The following TRAF2 variants were observed in gnomAD, a reference collection of about 807,000 sequenced individuals.
TRAF2 encodes TNF receptor associated factor 2.
Under a neutral mutation model 55.6 loss-of-function variants are expected in TRAF2, and 6 were observed. That is an observed-to-expected ratio of 0.11 (90% CI 0.06 to 0.21). TRAF2 has a LOEUF of 0.21. TRAF2 is among the 10% of genes least tolerant of loss of function. The probability of loss-of-function intolerance (pLI) is 1.00; values close to 1 mark genes in which losing one functional copy is unlikely to be tolerated. For synonymous variants in TRAF2, 329 were observed against 276.3 expected, an observed-to-expected ratio of 1.19 and a Z score of -1.89; for missense variants, 561 against 684.5, an observed-to-expected ratio of 0.82 and a Z score of 2.01.
intron 6 of TRAF2, among the ~76,000 whole-genome samples, chr9:136,910,958 C>G (rs1037772182): frequency 6.6e-6 from 1 of 152,206 alleles, no homozygotes; most frequent in Non-Finnish European, 1.5e-5. Context: ...TGCTGCCATG[C>G]CCCCTTCAGA....
chr9:136,923,917 G>A lies in TRAF2; in HGVS notation c.1204G>A (p.Gly402Arg), dbSNP rs776552418. The A allele has an allele frequency of 2.5e-6, 4 of 1,613,994 alleles. No individual in the cohort carries two copies. The highest frequency in any genetic ancestry group is 3.4e-6 in the Non-Finnish European group (4 of 1,180,016). ...LRIYLNGDGT[G>R]RGTHLSLFFV... ...TATCTACCTGAACGGCGACGGCACC[G>A]GGCGAGGAACACACCTGTCCCTCTT... is the stretch of plus-strand genomic sequence containing the variant. Residue 402 changes from glycine (G) to arginine (R), a missense_variant, in exon 10 of 11, where the codon GGG becomes AGG. Gly to Arg is a moderately radical substitution (Grantham distance 125). This residue lies in a region of TRAF2 where 135 missense variants were observed against 207.7 expected (regional missense o/e 0.65). Coordinates refer to ENST00000247668, the MANE Select transcript of TRAF2 (RefSeq NM_021138.4).
At position 136,907,943 on chromosome 9, in the gene TRAF2, G is replaced by A. The variant is rs1849994967; in HGVS notation, c.367-127G>A. The A allele has an allele frequency of 5.8e-6, 7 of 1,211,826 alleles. No individual in the cohort carries two copies. In the South Asian group the frequency reaches 7.2e-5, roughly 12 times the overall value. The allele number at this position is 1,211,826 out of a possible 1,614,324, so 75.1% of individuals were successfully genotyped here. ...GGGAGCCCTGAGAGCTATCTGCAGA[G>A]GGCGGCCCCCAGGACCAGCATGCGG... is the stretch of plus-strand genomic sequence containing the variant. On this transcript the variant is annotated intron_variant, in intron 4 of 10. Transcript: ENST00000247668.
intron 4 of TRAF2, among the ~76,000 whole-genome samples, chr9:136,907,824 C>T (rs1021536387): frequency 6.6e-6 from 1 of 151,986 alleles, no homozygotes; most frequent in Non-Finnish European, 1.5e-5. Flanking sequence ...CACACAGAGA[C>T]CCCCATGGCA....
intron 7 of TRAF2, among the ~76,000 whole-genome samples, chr9:136,918,226 T>TA (rs1564419356): frequency 5.8e-4 from 31 of 53,620 alleles, no homozygotes; most frequent in African/African-American, 2.9e-3. Context: ...GAGTGTTTTG[T>TA]TTATATATAT....
intron 7 of TRAF2, among the ~76,000 whole-genome samples, chr9:136,919,375 C>T (rs1319690141): frequency 6.8e-6 from 1 of 146,502 alleles, no homozygotes; most frequent in Non-Finnish European, 1.5e-5. Flanking sequence ...CTCGGCTCAC[C>T]ACAACCTCCA....
intron 1 of TRAF2, among the ~76,000 whole-genome samples, chr9:136,897,658 C>T (rs1849712412): frequency 7.6e-6 from 1 of 131,922 alleles, no homozygotes; most frequent in African/African-American, 2.9e-5. Flanking sequence ...TACGTTCCCG[C>T]TCTCGGGGCT....
rs143104838 is a variant in TRAF2, at chr9:136,896,960, C to T, written c.-28-1753C>T. 4.3e-3 allele frequency among the ~76,000 whole-genome samples: 652 copies of T among 152,254 alleles called. 4 individuals carry two copies. Among genetic ancestry groups the T allele is most frequent in the African/African-American group, 0.015 (625 of 41,552 alleles). The stretch of plus-strand genomic sequence containing the variant: ...TTGGTGTGCCTGCCGGGTGACTGCT[C>T]GCTCTCCTTGTCTGCTCACTCTGCC... On this transcript the variant is annotated intron_variant, in intron 1 of 10. Transcript: ENST00000247668.
Position 136,926,007 on chromosome 9 carries a change from G to A in TRAF2, c.*106G>A, listed in dbSNP as rs751500928. On this transcript the variant is annotated 3_prime_UTR_variant, in exon 11 of 11. Coordinates refer to ENST00000247668, the MANE Select transcript of TRAF2 (RefSeq NM_021138.4). The stretch of plus-strand genomic sequence containing the variant: ...CTCACTGTACAAGTGGGCAGGGGCC[G>A]CGCTTGGGCGCTTGGGAGGGTGTCG... 45 of 1,335,136 alleles carry A rather than the reference G, an allele frequency of 3.4e-5. No individual in the cohort carries two copies. The highest frequency in any genetic ancestry group is 1.6e-4 in the South Asian group (13 of 83,650). The allele number at this position is 1,335,136 out of a possible 1,614,324, so 82.7% of individuals were successfully genotyped here. A position where few individuals can be genotyped will look rare whatever the true frequency, so the allele number is the denominator to read the frequency against.
chr9:136,897,872 G>A (rs111364601), intron 1 of TRAF2, among the ~76,000 whole-genome samples: 860 of 55,438 alleles, frequency 0.016, no homozygotes, highest in South Asian at 0.024. Context: ...GGTGTGCTAC[G>A]TTCCCGCTCT....
At chr9:136,895,838 ACT>A (rs1304654177) in intron 1 of TRAF2, among the ~76,000 whole-genome samples, 1 of 126,426 alleles carries the variant, frequency 7.9e-6, no homozygotes, top group Non-Finnish European at 1.7e-5. Flanking sequence ...AGAGCGTAAG[ACT>A]CTGTTTAAGG....
At chr9:136,908,506 A>G (rs1015539164) in intron 5 of TRAF2, among the ~76,000 whole-genome samples, 1 of 151,968 alleles carries the variant, frequency 6.6e-6, no homozygotes, top group Non-Finnish European at 1.5e-5. Flanking sequence ...GCGGATCACG[A>G]GGTCCGGAGT....
rs147354500 is a variant in TRAF2, at chr9:136,888,946, A to G, written c.-29+2405A>G. On this transcript the variant is annotated intron_variant, in intron 1 of 10. Coordinates refer to ENST00000247668, the MANE Select transcript of TRAF2 (RefSeq NM_021138.4). The stretch of plus-strand genomic sequence containing the variant: ...AGTGGCACGATCTCGGCTCACTGCA[A>G]CCTCTGCCTCCTGGGTTCACGCTAT... 5.9e-4 allele frequency among the ~76,000 whole-genome samples: 90 copies of G among 151,816 alleles called. No individual in the cohort carries two copies. The East Asian group carries it at 0.016, about 27-fold the overall frequency.
At chr9:136,899,554 G>A in intron 2 of TRAF2, 40 bp from the exon 3 acceptor site, 1 of 1,583,594 alleles carries the variant, frequency 6.3e-7, no homozygotes, top group East Asian at 2.3e-5. Flanking sequence ...TTTGCATTAG[G>A]TTTCACAGTG....
At chr9:136,916,745 C>A in intron 7 of TRAF2, 130 bp downstream of exon 7, 2 of 869,400 alleles carry the variant, frequency 2.3e-6, no homozygotes, top group Non-Finnish European at 3.7e-6. Flanking sequence ...CCTCCTCCTG[C>A]CCCGGCTGTC....
intron 4 of TRAF2, among the ~76,000 whole-genome samples, chr9:136,904,036 C>CTG (rs1554780020): frequency 2.6e-5 from 4 of 152,320 alleles, no homozygotes; most frequent in Non-Finnish European, 5.9e-5. Flanking sequence ...AGCAGTGAGG[C>CTG]TGAGAGTAGA....
intron 1 of TRAF2, among the ~76,000 whole-genome samples, chr9:136,887,486 C>T (rs1219313770): frequency 2.0e-5 from 3 of 152,116 alleles, no homozygotes; most frequent in African/African-American, 7.2e-5. Flanking sequence ...GAGCACCAAG[C>T]CTCCACTCGG....
chr9:136,923,028 T>G (rs1850433439), intron 9 of TRAF2, among the ~76,000 whole-genome samples: 1 of 152,130 alleles, frequency 6.6e-6, no homozygotes, highest in South Asian at 2.1e-4. Context: ...CGTGCAGACC[T>G]TTGCACACAG....
intron 4 of TRAF2, among the ~76,000 whole-genome samples, chr9:136,903,371 T>C (rs1588428410): frequency 6.6e-6 from 1 of 150,850 alleles, no homozygotes; most frequent in African/African-American, 2.5e-5. Flanking sequence ...GATGCGGGGG[T>C]GCGGGGAGAC....
chr9:136,910,604 G>A (rs975014740), intron 6 of TRAF2, among the ~76,000 whole-genome samples: 1 of 152,348 alleles, frequency 6.6e-6, no homozygotes, highest in South Asian at 2.1e-4. Context: ...ATCCAGAGAG[G>A]CTGAAGCTCT....
Sources: gnomAD v4.1 joint callset for allele counts (sites outside exome capture counted in the v4.1 genomes callset) on GRCh38, gnomAD v4.1.1 for gene constraint, gnomAD v4.1.1 regional missense constraint, MANE v1.5 for transcripts, NCBI Gene and HGNC (gene_info 2026-07-23, HGNC 2026-07-21) for gene names.